Variants in ILDR2 observed in about 807,000 individuals in gnomAD.
ILDR2 encodes the protein immunoglobulin-like domain-containing receptor 2.
Under a neutral mutation model 66.8 loss-of-function variants are expected in ILDR2, and 25 were observed. The ratio of observed to expected loss-of-function variants is 0.37; its 90% CI spans 0.27 to 0.52. ILDR2 has a LOEUF of 0.52. Among genes scored for constraint, ILDR2 ranks in the 20% least tolerant of loss-of-function variants. ILDR2 has a pLI of 0.88. For synonymous variants in ILDR2, 367 were observed against 357.2 expected (o/e 1.03, Z -0.31); for missense variants, 827 against 876.8 (o/e 0.94, Z 0.72).
chr1:166,950,105 T>C (rs10918600), intron 3 of ILDR2, among the ~76,000 whole-genome samples: 29,138 of 152,142 alleles, frequency 0.19, 2,950 homozygotes, highest in African/African-American at 0.24. Context: ...ACAGCTCAAG[T>C]CAAAAGATGT....
At chr1:166,901,262 T>A (rs1205398059) in intron 2 of ILDR2, among the ~76,000 whole-genome samples, 1 of 152,176 alleles carries the variant, frequency 6.6e-6, no homozygotes, top group African/African-American at 2.4e-5. Flanking sequence ...TAAACTCTGC[T>A]CCCTTCCTCT....
chr1:166,924,503 A>T (rs1660158042), intron 7 of ILDR2, among the ~76,000 whole-genome samples: 1 of 152,250 alleles, frequency 6.6e-6, no homozygotes, highest in African/African-American at 2.4e-5. Flanking sequence ...AGTTGAACAT[A>T]AACATCGACC....
Position 166,920,978 on chromosome 1 carries a change from C to T in ILDR2, c.1613G>A (p.Arg538Gln). The T allele has an allele frequency of 6.7e-7, 1 of 1,489,910 alleles. No homozygotes were observed. The highest frequency in any genetic ancestry group is 8.8e-7 in the Non-Finnish European group (1 of 1,130,986). 92.3% of individuals were successfully genotyped at this position (1,489,910 alleles called of 1,614,324 possible). A position where few individuals can be genotyped will look rare whatever the true frequency, so the allele number is the denominator to read the frequency against. The change falls in exon 9 of 10, where the codon CGG (arginine) becomes CAG (glutamine). Residue 538 changes from arginine (R) to glutamine (Q), a missense_variant. Physicochemically the swap from Arg to Gln is conservative, Grantham distance 43. Coordinates refer to ENST00000271417, the MANE Select transcript of ILDR2 (RefSeq NM_199351.3). The stretch of plus-strand genomic sequence containing the variant: ...GCCACCGCGGCTGGCGCCCTCGGGC[C>T]GCGCCTGGCGCTCCCGCGCGCTGCC... ...YLGSARERQA[R>Q]PEGASRGGSL...
At chr1:166,965,431 G>C (rs1282827636) in intron 1 of ILDR2, among the ~76,000 whole-genome samples, 1 of 151,972 alleles carries the variant, frequency 6.6e-6, no homozygotes, top group Non-Finnish European at 1.5e-5. Flanking sequence ...AAATATATCA[G>C]GTACAGAATT....
intron 5 of ILDR2, among the ~76,000 whole-genome samples, chr1:166,935,913 T>C (rs1660946628): frequency 6.6e-6 from 1 of 152,202 alleles, no homozygotes; most frequent in Non-Finnish European, 1.5e-5. Context: ...TTGCACATGG[T>C]CCTTGCTCTG....
chr1:166,939,593 A>G (rs1205410279), intron 3 of ILDR2, 23 bp from the exon 4 acceptor site: 2 of 1,610,796 alleles, frequency 1.2e-6, no homozygotes, highest in South Asian at 1.1e-5. Flanking sequence ...GAAGGAAAAG[A>G]AGAAGGAAAG....
At chr1:166,969,205 C>T (rs1663135191) in intron 1 of ILDR2, among the ~76,000 whole-genome samples, 1 of 152,168 alleles carries the variant, frequency 6.6e-6, no homozygotes, top group Admixed American at 6.5e-5. Flanking sequence ...CACGCTGCCT[C>T]CTGGTGAGGC....
chr1:166,945,058 G>A (rs527998972), intron 3 of ILDR2, among the ~76,000 whole-genome samples: 26 of 152,228 alleles, frequency 1.7e-4, no homozygotes, highest in African/African-American at 5.8e-4. Flanking sequence ...GATTTGCTGC[G>A]CATTATAGTG....
chr1:166,959,891 C>T (rs576251440), intron 1 of ILDR2, among the ~76,000 whole-genome samples: 3 of 152,288 alleles, frequency 2.0e-5, no homozygotes, highest in Admixed American at 2.0e-4. Context: ...ATCCAGGAGA[C>T]TGCTAAGTCA....
chr1:166,922,866 G>C lies in ILDR2; in HGVS notation c.995-57C>G, dbSNP rs889199463. 6 of 1,462,098 alleles carry C rather than the reference G, an allele frequency of 4.1e-6. No homozygotes were observed. The African/African-American group carries it at 4.2e-5, about 10-fold the overall frequency. 90.6% of individuals were successfully genotyped at this position (1,462,098 alleles called of 1,614,324 possible). ...TTTTGTGTTACTCTGTTTTAGACAGGAAGAGAATCCTGTTAAGGGCTGAGA... is the reference window on the plus strand; with the variant it reads ...TTTTGTGTTACTCTGTTTTAGACAGCAAGAGAATCCTGTTAAGGGCTGAGA... On this transcript the variant is annotated intron_variant, in intron 7 of 9. Coordinates refer to ENST00000271417, the MANE Select transcript of ILDR2 (RefSeq NM_199351.3).
At chr1:166,904,435 T>C (rs974297118), downstream of ILDR2, among the ~76,000 whole-genome samples, 4 of 152,154 alleles carry the variant, frequency 2.6e-5, no homozygotes, top group Non-Finnish European at 5.9e-5. Context: ...TCCACACTTC[T>C]TTAATCTACA....
intron 5 of ILDR2, 113 bp from the exon 6 acceptor site, chr1:166,935,590 A>G (rs1390495398): frequency 1.1e-6 from 1 of 906,138 alleles, no homozygotes; most frequent in Non-Finnish European, 1.6e-6. Context: ...GTGTATGTGC[A>G]TGTGTGAGCG....
intron 2 of ILDR2, among the ~76,000 whole-genome samples, chr1:166,896,938 T>A (rs1571253505): frequency 6.6e-6 from 1 of 152,156 alleles, no homozygotes; most frequent in Non-Finnish European, 1.5e-5. Context: ...CCCAGCCTAC[T>A]TTTTTTACTT....
chr1:166,934,067 G>A (rs1435819005), intron 6 of ILDR2, among the ~76,000 whole-genome samples: 1 of 151,932 alleles, frequency 6.6e-6, no homozygotes, highest in Non-Finnish European at 1.5e-5. Context: ...CTACATCTAG[G>A]GATTTAAAAA....
chr1:166,937,303 G>A (rs193109176), intron 4 of ILDR2, among the ~76,000 whole-genome samples: 13 of 152,252 alleles, frequency 8.5e-5, no homozygotes, highest in African/African-American at 2.9e-4. Flanking sequence ...ACTGTCCCTA[G>A]AACAGCTTTC....
chr1:166,930,159 T>C lies in ILDR2; in HGVS notation c.881-2979A>G, dbSNP rs146676564. On this transcript the variant is annotated intron_variant, in intron 6 of 9. Transcript: ENST00000271417. ...AAGCAGCTGGAGGATCCTCAGTTAATTGCCACTTGGACTAGAGCATAGTTT... is the reference window on the plus strand; with the variant it reads ...AAGCAGCTGGAGGATCCTCAGTTAACTGCCACTTGGACTAGAGCATAGTTT... Among the ~76,000 whole-genome samples the C allele has an allele frequency of 1.4e-3, 215 of 152,270 alleles. 1 individual carries two copies. The highest frequency in any genetic ancestry group is 9.3e-3 in the Admixed American group (142 of 15,292).
chr1:166,916,576 A>G lies in ILDR2; in HGVS notation c.*2779T>C. ...CAAAGGAGAAGAAACAAAAGGACAC[A>G]TAGAGGAAAGTCAGGGGTGCTGAGG... On this transcript the variant is annotated 3_prime_UTR_variant, in exon 10 of 10. Coordinates refer to ENST00000271417, the MANE Select transcript of ILDR2 (RefSeq NM_199351.3). The G allele has an allele frequency of 6.6e-6, 1 of 152,366 alleles. No individual in the cohort carries two copies. The highest frequency in any genetic ancestry group is 1.5e-5 in the Non-Finnish European group (1 of 68,042). 9.4% of individuals were successfully genotyped at this position (152,366 alleles called of 1,614,324 possible). A position where few individuals can be genotyped will look rare whatever the true frequency, so the allele number is the denominator to read the frequency against.
chr1:166,911,283 T>C lies in ILDR2; in HGVS notation c.*8072A>G, dbSNP rs906840833. 17 of 152,368 alleles carry C rather than the reference T, an allele frequency of 1.1e-4. No homozygotes were observed. The highest frequency in any genetic ancestry group is 3.6e-4 in the African/African-American group (15 of 41,598). 9.4% of individuals were successfully genotyped at this position (152,368 alleles called of 1,614,324 possible). ...GTCTACAGGTTGCATTAGAAAGAAA[T>C]GCACAATGCGTGTATGTGTGCCTTT... On this transcript the variant is annotated 3_prime_UTR_variant, in exon 10 of 10. Transcript: ENST00000271417.
intron 3 of ILDR2, among the ~76,000 whole-genome samples, chr1:166,954,182 G>T (rs1458811293): frequency 1.3e-5 from 2 of 152,046 alleles, no homozygotes; most frequent in African/African-American, 2.4e-5. Flanking sequence ...GCAAACTGTG[G>T]GTCCCAGTTA....
Sources: allele counts gnomAD v4.1 joint callset (sites outside exome capture counted in the v4.1 genomes callset), GRCh38; gene constraint gnomAD v4.1.1; transcripts MANE v1.5; gene names NCBI Gene and HGNC (gene_info 2026-07-23, HGNC 2026-07-21).